The following CDC42SE2 variants were observed in gnomAD, a reference collection of about 807,000 sequenced individuals.
CDC42SE2 encodes the protein CDC42 small effector 2, also known as CDC42 small effector protein 2.
Under a neutral mutation model 11.5 loss-of-function variants are expected in CDC42SE2, and 3 were observed. The observed-to-expected ratio is 0.26, with a 90% CI of 0.12 to 0.67. The LOEUF is 0.67. Ranked by LOEUF, CDC42SE2 falls within the 30% of genes least tolerant of loss-of-function variation. The pLI is 0.80. For synonymous variants in CDC42SE2, 33 were observed against 34.8 expected (o/e 0.95, Z 0.18); for missense variants, 82 against 106.8 (o/e 0.77, Z 1.02).
At chr5:131,212,909 G>A in the CDC42SE2 span, among the ~76,000 whole-genome samples, 4 of 151,812 alleles carry the variant, frequency 2.6e-5, no homozygotes, top group African/African-American at 4.8e-5. Flanking sequence ...ATAATAATCC[G>A]GCTGGGCATG....
rs931958883 is a variant in CDC42SE2 at position 131,393,813 on chromosome 5, C to T, written c.*2722C>T. 19 of 148,558 alleles carry T rather than the reference C, an allele frequency of 1.3e-4. No individual in the cohort carries two copies. Among genetic ancestry groups the T allele is most frequent in the African/African-American group, 4.0e-4 (16 of 39,872 alleles). 9.2% of individuals were successfully genotyped at this position (148,558 alleles called of 1,614,324 possible). On this transcript the variant is annotated 3_prime_UTR_variant, in exon 5 of 5. Coordinates refer to ENST00000505065, the MANE Select transcript of CDC42SE2 (RefSeq NM_001375635.1). ...TCATGATTTTAGTCTTTTTCCAAAT[C>T]GCTGTTTTTTTTTTTTTTTTTTTTT...
At chr5:131,312,403 G>T (rs1236102324) in intron 1 of CDC42SE2, among the ~76,000 whole-genome samples, 1 of 152,186 alleles carries the variant, frequency 6.6e-6, no homozygotes, top group African/African-American at 2.4e-5. Flanking sequence ...GTTTGTCTGT[G>T]CCCTGCCCCA....
chr5:131,365,060 C>G (rs139742186), intron 3 of CDC42SE2, among the ~76,000 whole-genome samples: 3 of 152,114 alleles, frequency 2.0e-5, no homozygotes, highest in African/African-American at 7.2e-5. Context: ...GAGGCCGAGG[C>G]GGGCTGATTA....
chr5:131,304,822 A>C (rs1344176330), intron 1 of CDC42SE2, among the ~76,000 whole-genome samples: 1 of 152,212 alleles, frequency 6.6e-6, no homozygotes, highest in Admixed American at 6.5e-5. Flanking sequence ...AATTTAATGC[A>C]TTAAAAGGAT....
At position 131,393,125 on chromosome 5, in the gene CDC42SE2, C is replaced by CCTAT. The variant is rs775296304; in HGVS notation, c.*2038_*2041dup. 6.6e-5 allele frequency: 10 copies of CCTAT among 152,400 alleles called. No homozygotes were observed. Among genetic ancestry groups the CCTAT allele is most frequent in the African/African-American group, 1.9e-4 (8 of 41,534 alleles). The allele number at this position is 152,400 out of a possible 1,614,324, so 9.4% of individuals were successfully genotyped here. A position where few individuals can be genotyped will look rare whatever the true frequency, so the allele number is the denominator to read the frequency against. ...GTTTAAATCCTATGTCCAATTCAAG[C>CCTAT]CTATCTAACTACATTTGGTAGGATT... On this transcript the variant is annotated 3_prime_UTR_variant, in exon 5 of 5. Transcript: ENST00000505065.
chr5:131,287,204 A>C (rs1302544784), intron 1 of CDC42SE2, among the ~76,000 whole-genome samples: 1 of 151,998 alleles, frequency 6.6e-6, no homozygotes, highest in Admixed American at 6.6e-5. Flanking sequence ...CATGTTGGCC[A>C]TGCTGGTCTC....
rs922857135 is a variant in CDC42SE2 at position 131,359,322 on chromosome 5, T to A, written c.-172T>A. ...GAAAGGAAACAATCCAAATTTTTCTTTATTAAATCGACTGTGTAAGATACT... is the reference window on the plus strand; with the variant it reads ...GAAAGGAAACAATCCAAATTTTTCTATATTAAATCGACTGTGTAAGATACT... On this transcript the variant is annotated 5_prime_UTR_variant, in exon 3 of 5. Transcript: ENST00000505065. The A allele has an allele frequency of 4.7e-6, 3 of 632,420 alleles. No homozygotes were observed. In the African/African-American group the frequency reaches 5.5e-5, roughly 12 times the overall value. 39.2% of individuals were successfully genotyped at this position (632,420 alleles called of 1,614,324 possible).
upstream of CDC42SE2, among the ~76,000 whole-genome samples, chr5:131,243,391 A>G (rs1016897700): frequency 3.3e-5 from 5 of 152,260 alleles, no homozygotes; most frequent in South Asian, 8.3e-4. Flanking sequence ...CATCCTGGCT[A>G]AAGTGTGAAA....
intron 2 of CDC42SE2, among the ~76,000 whole-genome samples, chr5:131,358,516 T>C (rs1319997168): frequency 2.6e-5 from 4 of 152,210 alleles, no homozygotes; most frequent in Admixed American, 1.3e-4. Context: ...GGTTTAACTC[T>C]TTGTCCAACT....
intron 1 of CDC42SE2, among the ~76,000 whole-genome samples, chr5:131,280,921 A>G (rs1757225337): frequency 6.6e-6 from 1 of 152,142 alleles, no homozygotes; most frequent in South Asian, 2.1e-4. Flanking sequence ...AGCATGTAAG[A>G]ATTCTTATGT....
rs562614562 is a variant in CDC42SE2, at chr5:131,249,876, C to T, written n.107+4277C>T. Among the ~76,000 whole-genome samples, 234 of 151,952 alleles carry T rather than the reference C, an allele frequency of 1.5e-3. 1 individual carries two copies. Among genetic ancestry groups the T allele is most frequent in the African/African-American group, 5.4e-3 (225 of 41,448 alleles). ...CCAGTCTGGACAACAGAGTGAGATG[C>T]TGTCTCTAAAAAAAAAGAGCATAGG... On this transcript the variant is annotated intron_variant and non_coding_transcript_variant, in intron 1 of 3. Transcript: ENST00000502840.
the CDC42SE2 span, among the ~76,000 whole-genome samples, chr5:131,231,987 ACCAC>A: frequency 9.2e-5 from 14 of 152,110 alleles, no homozygotes; most frequent in African/African-American, 2.7e-4. Context: ...ACAGGGTTTC[ACCAC>A]GTTGGCCAGG....
chr5:131,213,767 T>G, the CDC42SE2 span, among the ~76,000 whole-genome samples: 1 of 152,216 alleles, frequency 6.6e-6, no homozygotes, highest in South Asian at 2.1e-4. Flanking sequence ...CTGATTCTTT[T>G]TGAAGAAAGC....
chr5:131,363,255 C>T (rs531425548), intron 3 of CDC42SE2, among the ~76,000 whole-genome samples: 2 of 138,402 alleles, frequency 1.4e-5, no homozygotes, highest in South Asian at 4.4e-4. Context: ...AACAAGGAAC[C>T]CTGATTTACA....
intron 3 of CDC42SE2, among the ~76,000 whole-genome samples, chr5:131,362,570 A>G (rs754076440): frequency 6.6e-6 from 1 of 152,168 alleles, no homozygotes; most frequent in Non-Finnish European, 1.5e-5. Flanking sequence ...CTTGTTCCCT[A>G]TCACCCCCTG....
chr5:131,255,392 C>T (rs1218991238), intron 2 of CDC42SE2: 1 of 151,994 alleles, frequency 6.6e-6, no homozygotes, highest in Non-Finnish European at 1.5e-5. Context: ...TTTAAAATTA[C>T]ATATGTGGCT....
chr5:131,289,974 C>G (rs1007368888), intron 1 of CDC42SE2, among the ~76,000 whole-genome samples: 1 of 152,046 alleles, frequency 6.6e-6, no homozygotes, highest in Admixed American at 6.6e-5. Context: ...TTTTGAGTAG[C>G]TAGGATCACA....
intron 2 of CDC42SE2, among the ~76,000 whole-genome samples, chr5:131,319,219 TC>T (rs1219530255): frequency 1.3e-5 from 2 of 152,036 alleles, no homozygotes; most frequent in Non-Finnish European, 2.9e-5. Flanking sequence ...ATATGACTTT[TC>T]CCCCCACCCT....
chr5:131,366,030 A>G (rs1000225634), intron 3 of CDC42SE2, among the ~76,000 whole-genome samples: 6 of 152,170 alleles, frequency 3.9e-5, no homozygotes, highest in Non-Finnish European at 5.9e-5. Context: ...TGAAAACCCT[A>G]CGTTTTAGAA....
Sources: gnomAD v4.1 joint callset for allele counts (sites outside exome capture counted in the v4.1 genomes callset) on GRCh38, gnomAD v4.1.1 for gene constraint, MANE v1.5 for transcripts, NCBI Gene and HGNC (gene_info 2026-07-23, HGNC 2026-07-21) for gene names.